The following KATNBL1 variants were observed in gnomAD, a reference collection of about 807,000 sequenced individuals.
KATNBL1 encodes the protein KATNB1-like protein 1.
KATNBL1 carries 28 observed loss-of-function variants against 44.7 expected under a neutral mutation model. The observed-to-expected ratio is 0.63, with a 90% confidence interval of 0.46 to 0.86. The LOEUF (loss-of-function observed/expected upper bound fraction) is 0.86. Among genes scored for constraint, KATNBL1 ranks in the 40% least tolerant of loss-of-function variants. KATNBL1 has a pLI of 0.00. For synonymous variants in KATNBL1, 78 were observed against 114.9 expected, an observed-to-expected ratio of 0.68 and a Z score of 2.06; for missense variants, 272 against 350.7, an observed-to-expected ratio of 0.78 and a Z score of 1.79.
intron 2 of KATNBL1, among the ~76,000 whole-genome samples, chr15:34,156,369 C>T (rs1888639099): frequency 6.6e-6 from 1 of 152,202 alleles, no homozygotes; most frequent in Non-Finnish European, 1.5e-5. Context: ...AGCTACCATA[C>T]AGCCCATGCC....
chr15:34,152,695 A>T, intron 4 of KATNBL1, 95 bp downstream of exon 4: 1 of 1,018,406 alleles, frequency 9.8e-7, no homozygotes, highest in Middle Eastern at 2.1e-4. Context: ...TCAATAGGTG[A>T]CAAATTATTC....
intron 9 of KATNBL1, among the ~76,000 whole-genome samples, chr15:34,143,954 G>A (rs1178702281): frequency 5.0e-5 from 5 of 100,148 alleles, no homozygotes; most frequent in Admixed American, 3.4e-4. Flanking sequence ...GCGACAGAGC[G>A]AGATTCCATC....
At chr15:34,192,612 T>C (rs994708544) in intron 1 of KATNBL1, among the ~76,000 whole-genome samples, 17 of 152,044 alleles carry the variant, frequency 1.1e-4, no homozygotes, top group African/African-American at 3.6e-4. Context: ...TTTGTTTCAG[T>C]AAGTAATGTG....
Position 34,181,701 on chromosome 15 carries a change from T to TATATATA in KATNBL1, c.-14-18012_-14-18011insTATATAT, listed in dbSNP as rs1567532120. Among the ~76,000 whole-genome samples, 7 of 28,360 alleles carry TATATATA rather than the reference T, an allele frequency of 2.5e-4. 1 individual carries two copies. The highest frequency in any genetic ancestry group is 7.8e-4 in the African/African-American group (7 of 8,980). 18.6% of individuals were successfully genotyped at this position (28,360 alleles called of 152,430 possible). On this transcript the variant is annotated intron_variant, in intron 1 of 9. Coordinates refer to ENST00000256544, the MANE Select transcript of KATNBL1 (RefSeq NM_024713.3). ...ACACATATATATGTCCATATATATA[T>TATATATA]CCATATATATGGACATATATATGTC...
At chr15:34,152,568 T>C (rs1888514413) in intron 4 of KATNBL1, among the ~76,000 whole-genome samples, 1 of 152,258 alleles carries the variant, frequency 6.6e-6, no homozygotes, top group South Asian at 2.1e-4. Context: ...TGGATAGTTT[T>C]AGCAGCCTGC....
At chr15:34,186,201 C>A (rs1034576246) in intron 1 of KATNBL1, among the ~76,000 whole-genome samples, 1 of 152,188 alleles carries the variant, frequency 6.6e-6, no homozygotes, top group Non-Finnish European at 1.5e-5. Context: ...AGTGACCACA[C>A]TGATGACAGT....
At chr15:34,172,065 G>A (rs186833775) in intron 1 of KATNBL1, among the ~76,000 whole-genome samples, 34 of 151,632 alleles carry the variant, frequency 2.2e-4, no homozygotes, top group African/African-American at 6.0e-4. Context: ...CATGTACCCT[G>A]GCACTTAAAG....
chr15:34,191,268 C>T (rs1464957232), intron 1 of KATNBL1, among the ~76,000 whole-genome samples: 1 of 149,588 alleles, frequency 6.7e-6, no homozygotes. Context: ...TGGTCTATTC[C>T]TTTTTATTGT....
At chr15:34,172,688 A>G (rs1449403730) in intron 1 of KATNBL1, among the ~76,000 whole-genome samples, 1 of 152,042 alleles carries the variant, frequency 6.6e-6, no homozygotes, top group Admixed American at 6.6e-5. Context: ...AAGAGTACAG[A>G]GGATACTTTC....
intron 2 of KATNBL1, among the ~76,000 whole-genome samples, chr15:34,158,261 G>A (rs1313920090): frequency 6.6e-6 from 1 of 152,146 alleles, no homozygotes; most frequent in African/African-American, 2.4e-5. Flanking sequence ...GATGAGAGAG[G>A]TCTCTCATAA....
rs571971977 is a variant in KATNBL1 at position 34,192,047 on chromosome 15, T to C, written c.-15+17904A>G. Among the ~76,000 whole-genome samples the C allele has an allele frequency of 4.6e-5, 7 of 152,114 alleles. No homozygotes were observed. In the South Asian group the frequency reaches 1.5e-3, roughly 32 times the overall value. ...GGGAGTATCAACGAAGTAAGATATG[T>C]TGATAATTGCTGAAGCTGGGTAATT... On this transcript the variant is annotated intron_variant, in intron 1 of 9. Transcript: ENST00000256544.
chr15:34,169,555 T>C (rs996539330), intron 1 of KATNBL1, among the ~76,000 whole-genome samples: 1 of 152,040 alleles, frequency 6.6e-6, no homozygotes, highest in African/African-American at 2.4e-5. Context: ...ATTCCATCAA[T>C]AGAAAAAGAG....
At chr15:34,195,237 C>A (rs1889996864) in intron 1 of KATNBL1, among the ~76,000 whole-genome samples, 1 of 152,082 alleles carries the variant, frequency 6.6e-6, no homozygotes, top group Admixed American at 6.6e-5. Flanking sequence ...AAATGTGGTA[C>A]ATATACAATA....
intron 9 of KATNBL1, chr15:34,142,654 T>G (rs1296032670): frequency 2.9e-6 from 1 of 340,898 alleles, no homozygotes; most frequent in Non-Finnish European, 5.4e-6. Flanking sequence ...ATTCTATCAG[T>G]GCTGTTTACT....
At chr15:34,183,242 G>A (rs1889618475) in intron 1 of KATNBL1, among the ~76,000 whole-genome samples, 1 of 152,142 alleles carries the variant, frequency 6.6e-6, no homozygotes, top group South Asian at 2.1e-4. Flanking sequence ...CTGCAGACTG[G>A]GGATGCCCTC....
At chr15:34,142,939 T>G in intron 9 of KATNBL1, 2 of 482,996 alleles carry the variant, frequency 4.1e-6, no homozygotes, top group Non-Finnish European at 7.2e-6. Context: ...CTCGATCTCC[T>G]GAGCTCGTGA....
At chr15:34,160,912 C>T (rs1888781558) in intron 2 of KATNBL1, among the ~76,000 whole-genome samples, 1 of 152,120 alleles carries the variant, frequency 6.6e-6, no homozygotes, top group Non-Finnish European at 1.5e-5. Context: ...CCTTCCTTTC[C>T]TAGAGGCTCA....
At chr15:34,160,197 C>A (rs577210061) in intron 2 of KATNBL1, among the ~76,000 whole-genome samples, 2 of 152,266 alleles carry the variant, frequency 1.3e-5, no homozygotes, top group South Asian at 4.1e-4. Flanking sequence ...TACCTTTGAG[C>A]CTCCTGGCTT....
intron 4 of KATNBL1, among the ~76,000 whole-genome samples, chr15:34,151,871 G>C (rs954703206): frequency 1.3e-5 from 2 of 151,892 alleles, no homozygotes; most frequent in Admixed American, 1.3e-4. Context: ...AGGTTTGCCT[G>C]AACTATGCTT....
Sources: allele counts gnomAD v4.1 joint callset (sites outside exome capture counted in the v4.1 genomes callset), GRCh38; gene constraint gnomAD v4.1.1; transcripts MANE v1.5; gene names NCBI Gene and HGNC (gene_info 2026-07-23, HGNC 2026-07-21).